The following ARHGAP44 variants were observed in gnomAD, a reference collection of about 807,000 sequenced individuals.
ARHGAP44 encodes the protein rho GTPase-activating protein 44.
Under a neutral mutation model 106.8 loss-of-function variants are expected in ARHGAP44, and 43 were observed. That is an observed-to-expected ratio of 0.40 (90% CI 0.32 to 0.52). The LOEUF (loss-of-function observed/expected upper bound fraction) is 0.52, where lower values mean the gene tolerates loss of function less well. Ranked by LOEUF, ARHGAP44 falls within the 20% of genes least tolerant of loss-of-function variation. ARHGAP44 has a pLI of 0.48. For synonymous variants in ARHGAP44, 439 were observed against 410.3 expected (o/e 1.07, Z -0.85); for missense variants, 866 against 1,050.5 (o/e 0.82, Z 2.43).
chr17:12,957,130 G>A (rs1263669420), intron 15 of ARHGAP44, among the ~76,000 whole-genome samples: 1 of 152,072 alleles, frequency 6.6e-6, no homozygotes, highest in Non-Finnish European at 1.5e-5. Context: ...GACTAATTTT[G>A]TATTTTTAGT....
At position 12,954,141 on chromosome 17, in the gene ARHGAP44, G is replaced by A. The variant is rs148387017; in HGVS notation, c.1136+1560G>A. 5.2e-4 allele frequency among the ~76,000 whole-genome samples: 79 copies of A among 151,032 alleles called. No individual in the cohort carries two copies. In the South Asian group the frequency reaches 8.4e-3, roughly 16 times the overall value. ...TCAAACTCCTGGCCACAGGTGATCCGCCCGCCTCGGCCTCCCAAAGCCCTG... is the reference window on the plus strand; with the variant it reads ...TCAAACTCCTGGCCACAGGTGATCCACCCGCCTCGGCCTCCCAAAGCCCTG... On this transcript the variant is annotated intron_variant, in intron 13 of 20. Coordinates refer to ENST00000379672, the MANE Select transcript of ARHGAP44 (RefSeq NM_014859.6).
In ARHGAP44 at chr17:12,789,667, G is replaced by A; in HGVS notation, c.-172G>A. 2.5e-6 allele frequency: 1 copy of A among 406,360 alleles called. No homozygotes were observed. The highest frequency in any genetic ancestry group is 4.1e-6 in the Non-Finnish European group (1 of 242,098). 25.2% of individuals were successfully genotyped at this position (406,360 alleles called of 1,614,324 possible). On this transcript the variant is annotated 5_prime_UTR_variant, in exon 1 of 21. Coordinates refer to ENST00000379672, the MANE Select transcript of ARHGAP44 (RefSeq NM_014859.6). Reference sequence around the variant, plus strand: ...GGAGGCGGCGCGGCGGGAGGAGTAGGCGGCGGCGCCCTCGGGAGGGAGCTG... The same window carrying A: ...GGAGGCGGCGCGGCGGGAGGAGTAGACGGCGGCGCCCTCGGGAGGGAGCTG...
At chr17:12,817,143 A>T (rs1463899296) in intron 1 of ARHGAP44, among the ~76,000 whole-genome samples, 1 of 152,138 alleles carries the variant, frequency 6.6e-6, no homozygotes, top group Non-Finnish European at 1.5e-5. Flanking sequence ...ATGTCTGGTA[A>T]TATAGTTAAG....
intron 1 of ARHGAP44, among the ~76,000 whole-genome samples, chr17:12,841,639 C>CACAAAAAAAAAAA (rs1555546108): frequency 1.4e-4 from 19 of 137,388 alleles, no homozygotes; most frequent in African/African-American, 5.6e-4. Flanking sequence ...CACACACACA[C>CACAAAAAAAAAAA]AAACAAACAA....
chr17:12,925,986 C>T (rs2038217927), intron 6 of ARHGAP44, among the ~76,000 whole-genome samples: 1 of 152,212 alleles, frequency 6.6e-6, no homozygotes, highest in Non-Finnish European at 1.5e-5. Flanking sequence ...CGTCTGTTCA[C>T]ATGACAAGAG....
At chr17:12,819,874 G>A (rs9916514) in intron 1 of ARHGAP44, among the ~76,000 whole-genome samples, 28,674 of 151,742 alleles carry the variant, frequency 0.19, 3,530 homozygotes, top group African/African-American at 0.34. Flanking sequence ...TTGCCTTTTC[G>A]TTTTCTTGAT....
At chr17:12,964,208 T>C (rs955675347) in intron 16 of ARHGAP44, among the ~76,000 whole-genome samples, 7 of 152,232 alleles carry the variant, frequency 4.6e-5, no homozygotes, top group African/African-American at 1.7e-4. Context: ...GTTAGGTCAT[T>C]AGTCCTAAAT....
chr17:12,948,061 T>A (rs7207068), intron 10 of ARHGAP44, among the ~76,000 whole-genome samples: 90,224 of 152,116 alleles, frequency 0.59, 27,643 homozygotes, highest in African/African-American at 0.75. Flanking sequence ...AGCCTGTGGG[T>A]TGCATTACAG....
intron 1 of ARHGAP44, among the ~76,000 whole-genome samples, chr17:12,871,006 T>C (rs1432136904): frequency 6.6e-6 from 1 of 152,218 alleles, no homozygotes; most frequent in Non-Finnish European, 1.5e-5. Context: ...TTCTTCCTTT[T>C]CTCTTTTTGT....
rs532648620 is a variant in ARHGAP44, at chr17:12,990,491, G to A, written c.*320G>A. 182 of 277,424 alleles carry A rather than the reference G, an allele frequency of 6.6e-4. 1 individual carries two copies. In the South Asian group the frequency reaches 8.2e-3, roughly 12 times the overall value. The allele number at this position is 277,424 out of a possible 1,614,324, so 17.2% of individuals were successfully genotyped here. On this transcript the variant is annotated 3_prime_UTR_variant, in exon 21 of 21. Transcript: ENST00000379672. ...TCTCCATCCAAGGCTGGTCAGGAAC[G>A]TCCTTTGCAGGGTCGGGGTGGTGCG...
In ARHGAP44 at chr17:12,984,806, C is replaced by T. The variant is rs2039919229; in HGVS notation, c.2215C>T (p.Pro739Ser). The T allele has an allele frequency of 6.2e-7, 1 of 1,613,864 alleles. No homozygotes were observed. The highest frequency in any genetic ancestry group is 1.3e-5 in the African/African-American group (1 of 74,910). The change falls in exon 20 of 21, where the codon CCG (proline) becomes TCG (serine). Residue 739 changes from proline (P) to serine (S), a missense_variant. By Grantham distance (74) the Pro-to-Ser change is moderately conservative. Coordinates refer to ENST00000379672, the MANE Select transcript of ARHGAP44 (RefSeq NM_014859.6). Reference sequence around the variant, plus strand: ...TAAGCCGCGACAGAGACCTACTCTGCCGCCTCCTCAGCCTCCCACAGTAAA... The same window carrying T: ...TAAGCCGCGACAGAGACCTACTCTGTCGCCTCCTCAGCCTCCCACAGTAAA... ...TPKPRQRPTL[P>S]PPQPPTVNLS...
In ARHGAP44 at chr17:12,915,893, A is replaced by C. The variant is rs1208216827; in HGVS notation, c.276-7A>C. 9 of 1,612,650 alleles carry C rather than the reference A, an allele frequency of 5.6e-6. 1 individual carries two copies. In the Middle Eastern group the frequency reaches 9.9e-4, roughly 177 times the overall value. Reference sequence around the variant, plus strand: ...TATTCACTATTTCTTTCCCCCTTGGATTACAGGAAGATGCTGAAACTCTGT... The same window carrying C: ...TATTCACTATTTCTTTCCCCCTTGGCTTACAGGAAGATGCTGAAACTCTGT... On this transcript the variant is annotated splice_polypyrimidine_tract_variant and splice_region_variant and intron_variant, in intron 4 of 20. Transcript: ENST00000379672.
At chr17:12,868,015 G>T (rs6502207) in intron 1 of ARHGAP44, among the ~76,000 whole-genome samples, 6 of 152,014 alleles carry the variant, frequency 3.9e-5, no homozygotes, top group African/African-American at 1.2e-4. Flanking sequence ...AAGAGACGGT[G>T]GATGAGGGAG....
At chr17:12,915,439 A>AT (rs886617641) in intron 4 of ARHGAP44, among the ~76,000 whole-genome samples, 35 of 151,776 alleles carry the variant, frequency 2.3e-4, no homozygotes, top group African/African-American at 8.2e-4. Flanking sequence ...CAACTTTTGG[A>AT]TTTTTTTTCA....
intron 7 of ARHGAP44, among the ~76,000 whole-genome samples, chr17:12,932,649 A>G (rs2038434085): frequency 6.6e-6 from 1 of 151,410 alleles, no homozygotes; most frequent in South Asian, 2.1e-4. Flanking sequence ...CCTATTTTAT[A>G]TACTTTAATA....
At chr17:12,801,886 A>C (rs915959722) in intron 1 of ARHGAP44, among the ~76,000 whole-genome samples, 3 of 151,780 alleles carry the variant, frequency 2.0e-5, no homozygotes, top group African/African-American at 7.3e-5. Context: ...ATTTTATTGA[A>C]GAGAGAGAGA....
intron 4 of ARHGAP44, among the ~76,000 whole-genome samples, chr17:12,911,946 G>A (rs1322883791): frequency 6.6e-6 from 1 of 152,208 alleles, no homozygotes; most frequent in Admixed American, 6.5e-5. Context: ...GTTGGAGGGG[G>A]TCAGTGCCTC....
chr17:12,959,600 C>T lies in ARHGAP44; in HGVS notation c.1523+703C>T, dbSNP rs531936002. 1.6e-4 allele frequency among the ~76,000 whole-genome samples: 24 copies of T among 152,302 alleles called. No individual in the cohort carries two copies. In the South Asian group the frequency reaches 4.6e-3, roughly 29 times the overall value. On this transcript the variant is annotated intron_variant, in intron 16 of 20. Transcript: ENST00000379672. ...TTTCGTAACAAGCACAGCTGACTCACGGTGAGCACCGGCTCAGCCATGGCA... is the reference window on the plus strand; with the variant it reads ...TTTCGTAACAAGCACAGCTGACTCATGGTGAGCACCGGCTCAGCCATGGCA...
At chr17:12,869,540 T>C (rs1356109783) in intron 1 of ARHGAP44, among the ~76,000 whole-genome samples, 1 of 152,190 alleles carries the variant, frequency 6.6e-6, no homozygotes, top group South Asian at 2.1e-4. Context: ...TGTGTTTACA[T>C]TGTTGTGCAG....
Sources: allele counts gnomAD v4.1 joint callset (sites outside exome capture counted in the v4.1 genomes callset), GRCh38; gene constraint gnomAD v4.1.1; transcripts MANE v1.5; gene names NCBI Gene and HGNC (gene_info 2026-07-23, HGNC 2026-07-21).